SYCP3: variants seen among roughly 807,000 people sequenced by gnomAD.
SYCP3 encodes the protein synaptonemal complex protein 3.
A neutral mutation model predicts 38.5 loss-of-function variants in SYCP3; 29 were observed. The observed-to-expected ratio is 0.75, with a 90% CI of 0.56 to 1.03. The LOEUF (loss-of-function observed/expected upper bound fraction) is 1.03, where lower values mean the gene tolerates loss of function less well. Among genes scored for constraint, SYCP3 ranks in the 50% least tolerant of loss-of-function variants. The probability of loss-of-function intolerance (pLI) is 0.00; values close to 1 mark genes in which losing one functional copy is unlikely to be tolerated. For synonymous variants in SYCP3, 79 were observed against 80.3 expected, an observed-to-expected ratio of 0.98 and a Z score of 0.08; for missense variants, 242 against 270.7, an observed-to-expected ratio of 0.89 and a Z score of 0.74.
At position 101,734,990 on chromosome 12, in the gene SYCP3, T is replaced by G; in HGVS notation, c.290A>C (p.Lys97Thr). ...CTGGTTACTAGTTTTGAGAGAAGCC[T>G]TGGTATACATTTCTAGTCTCTTTCT... ...AKRKRLEMYT[K>T]ASLKTSNQKI... is the part of the protein sequence containing the mutation. Residue 97 changes from lysine (K) to threonine (T), a missense_variant, in exon 5 of 9, where the codon AAG becomes ACG. Transcript: ENST00000392924. The G allele has an allele frequency of 6.2e-7, 1 of 1,613,792 alleles. No homozygotes were observed. Among genetic ancestry groups the G allele is most frequent in the Non-Finnish European group, 8.5e-7 (1 of 1,179,772 alleles).
chr12:101,734,168 G>T (rs1271333232), intron 5 of SYCP3, among the ~76,000 whole-genome samples: 1 of 152,184 alleles, frequency 6.6e-6, no homozygotes, highest in African/African-American at 2.4e-5. Context: ...TACAAGATTG[G>T]TGTTCTTCTA....
In SYCP3 at chr12:101,737,837, T is replaced by C. The variant is rs1555266185; in HGVS notation, c.99A>G (p.Lys33=). 2.5e-6 allele frequency: 4 copies of C among 1,614,224 alleles called. No individual in the cohort carries two copies. The highest frequency in any genetic ancestry group is 1.6e-4 in the Middle Eastern group (1 of 6,062). The change falls in exon 2 of 9, where the codon AAA becomes AAG. Residue 33 remains lysine, a synonymous_variant. Coordinates refer to ENST00000392924, the MANE Select transcript of SYCP3 (RefSeq NM_001177949.2). ...CATCTTCCTCTGATCCACTCAGATC[T>C]TTCTTATCTTCAGTCTCAAAGTCAT... ...RAYDFETEDK[K]DLSGSEEDVI... is the part of the protein sequence containing the mutation.
chr12:101,735,851 TTATATA>T (rs1157750107), intron 4 of SYCP3, among the ~76,000 whole-genome samples: 10 of 96,078 alleles, frequency 1.0e-4, no homozygotes, highest in Admixed American at 2.1e-4. Flanking sequence ...ATAATCAATT[TTATATA>T]TATATATATA....
intron 7 of SYCP3, among the ~76,000 whole-genome samples, chr12:101,731,014 G>A (rs928167630): frequency 2.1e-4 from 32 of 152,078 alleles, no homozygotes; most frequent in African/African-American, 5.6e-4. Flanking sequence ...TTGCTAATAT[G>A]TATGTGTCAG....
intron 7 of SYCP3, 49 bp from the exon 8 acceptor site, chr12:101,729,262 C>T (rs1952078158): frequency 6.4e-7 from 1 of 1,556,060 alleles, no homozygotes; most frequent in Admixed American, 1.7e-5. Context: ...CTTTTCATCT[C>T]AGGTTCTAAA....
At position 101,737,224 on chromosome 12, in the gene SYCP3, C is replaced by G; in HGVS notation, c.200+8G>C. 2 of 1,612,440 alleles carry G rather than the reference C, an allele frequency of 1.2e-6. No individual in the cohort carries two copies. Among genetic ancestry groups the G allele is most frequent in the Middle Eastern group, 1.7e-4 (1 of 6,058 alleles). ...TCTAAGAAACAAAAATTATTTTGAA[C>G]ACGTTACCCCATATCTTCAACTACT... On this transcript the variant is annotated splice_region_variant and intron_variant, in intron 3 of 8. Coordinates refer to ENST00000392924, the MANE Select transcript of SYCP3 (RefSeq NM_001177949.2).
intron 4 of SYCP3, 110 bp from the exon 5 acceptor site, chr12:101,735,154 T>G: frequency 1.5e-6 from 1 of 677,328 alleles, no homozygotes; most frequent in East Asian, 2.8e-5. Context: ...GGAAAGACAT[T>G]TAAACTTAAA....
At chr12:101,732,060 C>T (rs940318548) in intron 6 of SYCP3, 1 of 193,128 alleles carries the variant, frequency 5.2e-6, no homozygotes, top group Non-Finnish European at 1.1e-5. Context: ...ATTCTAACCA[C>T]TACACAGTAT....
In SYCP3 at chr12:101,729,707, G is replaced by A. The variant is rs531483579; in HGVS notation, c.553-494C>T. On this transcript the variant is annotated intron_variant, in intron 7 of 8. Coordinates refer to ENST00000392924, the MANE Select transcript of SYCP3 (RefSeq NM_001177949.2). ...CTACTATGTAAAAGGTGTGTATTAA[G>A]TGCTGTAGAGAAATTAAAAAACAAT... The A allele has an allele frequency of 3.3e-5, 5 of 152,818 alleles. No individual in the cohort carries two copies. In the East Asian group the frequency reaches 5.8e-4, roughly 18 times the overall value. The allele number at this position is 152,818 out of a possible 1,614,324, so 9.5% of individuals were successfully genotyped here. A position where few individuals can be genotyped will look rare whatever the true frequency, so the allele number is the denominator to read the frequency against.
chr12:101,733,584 T>G lies in SYCP3; in HGVS notation c.444A>C (p.Glu148Asp), dbSNP rs1952272706. The G allele has an allele frequency of 6.2e-7, 1 of 1,611,952 alleles. No individual in the cohort carries two copies. Residue 148 changes from glutamate to aspartate, a missense_variant, in exon 6 of 9, where the codon GAA becomes GAC. By Grantham distance (45) the Glu-to-Asp change is conservative. Transcript: ENST00000392924. ...TAATCATGATACCAACAAGTATTTT[T>G]TCTTCTTGTTCCTCAGCTTTCTGCA... ...LDMQKAEEQE[E>D]KILNMFRQQQ...
Position 101,737,952 on chromosome 12 carries a change from A to G in SYCP3, c.-17T>C, listed in dbSNP as rs1456860346. The G allele has an allele frequency of 6.2e-7, 1 of 1,614,044 alleles. No individual in the cohort carries two copies. The highest frequency in any genetic ancestry group is 8.5e-7 in the Non-Finnish European group (1 of 1,180,024). ...GGACACCATATTTAGATGCTTCCTG[A>G]CTTTAAAAAACAAATTTCTTTAACC... On this transcript the variant is annotated splice_region_variant and 5_prime_UTR_variant, in exon 2 of 9. Transcript: ENST00000392924.
intron 5 of SYCP3, among the ~76,000 whole-genome samples, chr12:101,734,559 CA>C (rs1317503036): frequency 1.3e-5 from 2 of 152,146 alleles, no homozygotes; most frequent in Admixed American, 6.5e-5. Context: ...AAGCCAAATA[CA>C]TTTTCACTAG....
At chr12:101,729,300 A>C in intron 7 of SYCP3, 87 bp from the exon 8 acceptor site, 1 of 1,257,998 alleles carries the variant, frequency 7.9e-7, no homozygotes, top group Non-Finnish European at 1.1e-6. Flanking sequence ...CAAAAGTAGT[A>C]ATTTTTGAAT....
intron 5 of SYCP3, 88 bp from the exon 6 acceptor site, chr12:101,733,762 T>C: frequency 8.0e-7 from 1 of 1,247,374 alleles, no homozygotes; most frequent in Non-Finnish European, 1.1e-6. Context: ...AGTTATACTA[T>C]ATAAGAAAAG....
chr12:101,738,230 C>T (rs1008281754), intron 1 of SYCP3, among the ~76,000 whole-genome samples: 4 of 151,854 alleles, frequency 2.6e-5, no homozygotes, highest in African/African-American at 9.7e-5. Context: ...TCAAGACCAG[C>T]CTGGCCAACA....
chr12:101,729,590 ATAATC>A (rs1356606610), intron 7 of SYCP3: 3 of 185,878 alleles, frequency 1.6e-5, no homozygotes, highest in South Asian at 1.1e-4. Context: ...AGGGAATAAA[ATAATC>A]TATAGTACAA....
At chr12:101,737,990 A>G in intron 1 of SYCP3, 38 bp from the exon 2 acceptor site, 1 of 1,609,536 alleles carries the variant, frequency 6.2e-7, no homozygotes, top group Middle Eastern at 1.7e-4. Context: ...CTGAATGCAA[A>G]GACATCATTT....
chr12:101,736,345 T>G (rs1249372738), intron 4 of SYCP3, among the ~76,000 whole-genome samples: 1 of 152,098 alleles, frequency 6.6e-6, no homozygotes, highest in Non-Finnish European at 1.5e-5. Context: ...TATAATAAAT[T>G]TATAAAACAA....
Position 101,733,565 on chromosome 12 carries a change from T to C in SYCP3, c.453+10A>G, listed in dbSNP as rs759383395. ...ACTTGGTTGATTATAAACCTAATCA[T>C]GATACCAACAAGTATTTTTTCTTCT... On this transcript the variant is annotated intron_variant, in intron 6 of 8. Transcript: ENST00000392924. 2 of 1,609,358 alleles carry C rather than the reference T, an allele frequency of 1.2e-6. No homozygotes were observed. The highest frequency in any genetic ancestry group is 2.2e-5 in the South Asian group (2 of 91,038).
Sources: allele counts gnomAD v4.1 joint callset (sites outside exome capture counted in the v4.1 genomes callset), GRCh38; gene constraint gnomAD v4.1.1; transcripts MANE v1.5; gene names NCBI Gene and HGNC (gene_info 2026-07-23, HGNC 2026-07-21).